The following CSNK1G1 variants were observed in gnomAD, a reference collection of about 807,000 sequenced individuals.
CSNK1G1 encodes casein kinase I isoform gamma-1.
Under a neutral mutation model 59.6 loss-of-function variants are expected in CSNK1G1, and 22 were observed. The ratio of observed to expected loss-of-function variants is 0.37; its 90% confidence interval spans 0.26 to 0.53. CSNK1G1 has a LOEUF of 0.53. Among genes scored for constraint, CSNK1G1 ranks in the 20% least tolerant of loss-of-function variants. The pLI is 0.89. For missense variants in CSNK1G1, 384 were observed against 519.5 expected, an observed-to-expected ratio of 0.74 and a Z score of 2.54; for synonymous variants, 179 against 177.1, an observed-to-expected ratio of 1.01 and a Z score of -0.08.
At chr15:64,317,412 TAG>T (rs1428915933) in intron 1 of CSNK1G1, among the ~76,000 whole-genome samples, 1 of 151,008 alleles carries the variant, frequency 6.6e-6, no homozygotes. Context: ...AGAATTTTTG[TAG>T]AGTCTTTATC....
chr15:64,199,250 CAAAAAAAAA>C (rs56819260), intron 10 of CSNK1G1, among the ~76,000 whole-genome samples: 8 of 52,340 alleles, frequency 1.5e-4, no homozygotes, highest in African/African-American at 6.0e-4. Flanking sequence ...AATCTTTTCT[CAAAAAAAAA>C]AAAAAAAAAA....
At chr15:64,300,896 A>G (rs1006126677) in intron 1 of CSNK1G1, among the ~76,000 whole-genome samples, 173 bp from the exon 2 acceptor site, 2 of 152,222 alleles carry the variant, frequency 1.3e-5, no homozygotes, top group Non-Finnish European at 2.9e-5. Flanking sequence ...AGTTATTCAC[A>G]TAGTATCATA....
intron 2 of CSNK1G1, among the ~76,000 whole-genome samples, chr15:64,267,739 T>G (rs1039662600): frequency 2.0e-5 from 3 of 152,088 alleles, no homozygotes; most frequent in Non-Finnish European, 1.5e-5. Flanking sequence ...GAAAACAATA[T>G]GAAGAGTTCT....
intron 3 of CSNK1G1, among the ~76,000 whole-genome samples, 159 bp from the exon 4 acceptor site, chr15:64,251,740 A>C (rs1405623279): frequency 6.6e-6 from 1 of 152,230 alleles, no homozygotes. Flanking sequence ...TGGACAGTAT[A>C]GCTAAGAGAA....
intron 4 of CSNK1G1, among the ~76,000 whole-genome samples, chr15:64,224,111 T>C (rs2082425598): frequency 6.6e-6 from 1 of 152,228 alleles, no homozygotes; most frequent in African/African-American, 2.4e-5. Flanking sequence ...AAAACTAAAT[T>C]ACCTAACTAT....
intron 2 of CSNK1G1, among the ~76,000 whole-genome samples, chr15:64,292,208 A>C (rs968374726): frequency 1.3e-5 from 2 of 149,346 alleles, no homozygotes; most frequent in African/African-American, 2.5e-5. Context: ...AGACTCCGTC[A>C]CAAAAAAAAA....
At chr15:64,331,992 T>C (rs1204112149) in intron 1 of CSNK1G1, among the ~76,000 whole-genome samples, 1 of 151,952 alleles carries the variant, frequency 6.6e-6, no homozygotes, top group East Asian at 1.9e-4. Context: ...TCACACCAGT[T>C]AGAATGAATA....
chr15:64,300,410 G>A lies in CSNK1G1; in HGVS notation c.90C>T (p.Gly30=). 6.2e-7 allele frequency: 1 copy of A among 1,614,180 alleles called. No individual in the cohort carries two copies. The highest frequency in any genetic ancestry group is 8.5e-7 in the Non-Finnish European group (1 of 1,180,010). Residue 30 remains glycine, a synonymous_variant, in exon 2 of 12, where the codon GGC becomes GGT. Transcript: ENST00000303052. ...QRSAHCSRPS[G]SSSSSGVLMV... ...TAAGAACCCCAGAGGACGATGAGGA[G>A]CCAGATGGTCGAGAGCAGTGTGCAC...
intron 10 of CSNK1G1, among the ~76,000 whole-genome samples, chr15:64,186,049 G>T (rs909470714): frequency 2.0e-5 from 3 of 152,002 alleles, no homozygotes; most frequent in African/African-American, 7.2e-5. Flanking sequence ...TTATATTAGG[G>T]ATTCCCTTTG....
chr15:64,218,539 T>C (rs1251928932), intron 4 of CSNK1G1, among the ~76,000 whole-genome samples: 1 of 151,728 alleles, frequency 6.6e-6, no homozygotes, highest in African/African-American at 2.4e-5. Flanking sequence ...ATTACAGGCA[T>C]GGTGTCCACC....
intron 10 of CSNK1G1, 59 bp downstream of exon 10, chr15:64,203,023 G>A: frequency 7.9e-7 from 1 of 1,272,192 alleles, no homozygotes; most frequent in Non-Finnish European, 1.1e-6. Flanking sequence ...AAGAATTTGG[G>A]TTTTAATATT....
rs934308720 is a variant in CSNK1G1, at chr15:64,291,404, T to G, written c.181+8915A>C. The stretch of plus-strand genomic sequence containing the variant: ...GAGTTTGAGACCAGCCTGGCCAACA[T>G]GGTGAAACCCCATCTTTACTAAAAA... On this transcript the variant is annotated intron_variant, in intron 2 of 11. Coordinates refer to ENST00000303052, the MANE Select transcript of CSNK1G1 (RefSeq NM_022048.5). Among the ~76,000 whole-genome samples the G allele has an allele frequency of 6.6e-5, 10 of 151,982 alleles. No individual in the cohort carries two copies. In the East Asian group the frequency reaches 1.9e-3, roughly 29 times the overall value.
chr15:64,289,403 A>AT (rs1894612469), intron 2 of CSNK1G1, among the ~76,000 whole-genome samples: 1 of 152,218 alleles, frequency 6.6e-6, no homozygotes, highest in Non-Finnish European at 1.5e-5. Context: ...ATTGACAGAA[A>AT]TAATTCTTCT....
At chr15:64,195,068 G>C (rs1939946699) in intron 10 of CSNK1G1, 2 of 152,130 alleles carry the variant, frequency 1.3e-5, no homozygotes, top group South Asian at 4.1e-4. Flanking sequence ...AATTTGCAAG[G>C]GAACAGTCCA....
intron 4 of CSNK1G1, among the ~76,000 whole-genome samples, chr15:64,237,522 G>A (rs545817667): frequency 6.0e-4 from 92 of 152,230 alleles, no homozygotes; most frequent in Non-Finnish European, 1.2e-3. Context: ...CATGTTCTTT[G>A]TTCACAACTA....
intron 2 of CSNK1G1, among the ~76,000 whole-genome samples, chr15:64,281,980 G>A (rs1229866743): frequency 6.6e-6 from 1 of 150,416 alleles, no homozygotes; most frequent in Non-Finnish European, 1.5e-5. Flanking sequence ...GGAGTGTAGT[G>A]GCGCAATCTA....
rs1227644551 is a variant in CSNK1G1 at position 64,326,438 on chromosome 15, G to A, written c.-224-25715C>T. 2.6e-5 allele frequency among the ~76,000 whole-genome samples: 4 copies of A among 152,226 alleles called. No homozygotes were observed. The South Asian group carries it at 6.2e-4, about 24-fold the overall frequency. On this transcript the variant is annotated intron_variant, in intron 1 of 11. Coordinates refer to ENST00000303052, the MANE Select transcript of CSNK1G1 (RefSeq NM_022048.5). The stretch of plus-strand genomic sequence containing the variant: ...GTGCGCAGATCACCCGAGGTCAGGA[G>A]TTCGAGATCAGCCTTGCCAACATGG...
chr15:64,206,624 C>T (rs1308168546), intron 7 of CSNK1G1, among the ~76,000 whole-genome samples: 1 of 127,866 alleles, frequency 7.8e-6, no homozygotes, highest in Non-Finnish European at 1.6e-5. Flanking sequence ...AAAAGTCTCA[C>T]AAGATACTAA....
At chr15:64,308,226 T>C (rs1397490089) in intron 1 of CSNK1G1, among the ~76,000 whole-genome samples, 6 of 152,134 alleles carry the variant, frequency 3.9e-5, no homozygotes, top group Non-Finnish European at 7.4e-5. Flanking sequence ...TAATCTCAAT[T>C]TCATAAATTC....
Sources: allele counts gnomAD v4.1 joint callset (sites outside exome capture counted in the v4.1 genomes callset), GRCh38; gene constraint gnomAD v4.1.1; transcripts MANE v1.5; gene names NCBI Gene and HGNC (gene_info 2026-07-23, HGNC 2026-07-21).